The following FSTL5 variants were observed in gnomAD, a reference collection of about 807,000 sequenced individuals.
FSTL5 encodes follistatin like 5, also known as follistatin-related protein 5.
In FSTL5, 62 loss-of-function variants were observed where a neutral mutation model predicts 89.1. That is an observed-to-expected ratio of 0.70 (90% CI 0.57 to 0.86). The LOEUF (loss-of-function observed/expected upper bound fraction) is 0.86. Ranked by LOEUF, FSTL5 falls within the 40% of genes least tolerant of loss-of-function variation. The pLI is 0.00. For synonymous variants in FSTL5, 383 were observed against 346.2 expected (o/e 1.11, Z -1.18); for missense variants, 1,057 against 1,001.6 (o/e 1.06, Z -0.75).
At chr4:161,828,201 CATACTT>C (rs1425575203) in intron 4 of FSTL5, among the ~76,000 whole-genome samples, 1 of 152,176 alleles carries the variant, frequency 6.6e-6, no homozygotes, top group Non-Finnish European at 1.5e-5. Flanking sequence ...GGTAAGGTCA[CATACTT>C]TTTCCATGAT....
At chr4:161,575,257 TAAG>T (rs762716468) in intron 8 of FSTL5, among the ~76,000 whole-genome samples, 34 of 152,176 alleles carry the variant, frequency 2.2e-4, no homozygotes, top group Admixed American at 2.0e-3. Flanking sequence ...CTTTGTCAGA[TAAG>T]AAGATTGCAA....
At chr4:161,537,802 C>T (rs1731676168) in intron 10 of FSTL5, among the ~76,000 whole-genome samples, 1 of 152,228 alleles carries the variant, frequency 6.6e-6, no homozygotes, top group African/African-American at 2.4e-5. Context: ...GTAATTTATT[C>T]TACCTAGAAG....
chr4:161,836,584 C>G (rs1356575497), intron 4 of FSTL5, among the ~76,000 whole-genome samples: 1 of 151,760 alleles, frequency 6.6e-6, no homozygotes, highest in African/African-American at 2.4e-5. Context: ...GTCATGGAGG[C>G]TCTTGCATGC....
chr4:161,826,715 C>A (rs1244978201), intron 4 of FSTL5, among the ~76,000 whole-genome samples: 1 of 152,158 alleles, frequency 6.6e-6, no homozygotes, highest in African/African-American at 2.4e-5. Flanking sequence ...GCAACTCCTG[C>A]TCACTTTTGG....
At chr4:161,971,183 A>T (rs1735472409) in intron 3 of FSTL5, among the ~76,000 whole-genome samples, 1 of 152,254 alleles carries the variant, frequency 6.6e-6, no homozygotes, top group African/African-American at 2.4e-5. Context: ...AGATCAATGG[A>T]GGAGAGTTCT....
At position 161,561,419 on chromosome 4, in the gene FSTL5, G is replaced by C. The variant is rs111475023; in HGVS notation, c.1016-18726C>G. ...GAATAGGTAAATCCACAGAAAGAGA[G>C]AGTAGATTAGTGATTTCCAGGAACT... On this transcript the variant is annotated intron_variant, in intron 8 of 15. Transcript: ENST00000306100. 5.7e-4 allele frequency among the ~76,000 whole-genome samples: 86 copies of C among 152,128 alleles called. 1 individual carries two copies. Among genetic ancestry groups the C allele is most frequent in the Middle Eastern group, 3.4e-3 (1 of 294 alleles).
At chr4:161,507,219 C>T (rs17041130) in intron 11 of FSTL5, among the ~76,000 whole-genome samples, 26,834 of 151,668 alleles carry the variant, frequency 0.18, 2,643 homozygotes, top group East Asian at 0.37. Context: ...AATTCAGTGC[C>T]TATATAATCC....
intron 7 of FSTL5, among the ~76,000 whole-genome samples, chr4:161,603,490 C>T (rs1332364130): frequency 1.3e-5 from 2 of 152,072 alleles, no homozygotes; most frequent in East Asian, 3.9e-4. Context: ...TTCTGCCATC[C>T]AGGAAAACAA....
At chr4:161,761,791 C>T (rs1276292934) in intron 5 of FSTL5, among the ~76,000 whole-genome samples, 4 of 152,300 alleles carry the variant, frequency 2.6e-5, no homozygotes, top group Middle Eastern at 3.4e-3. Context: ...AAGCCCTTAT[C>T]ATCTATACTG....
chr4:161,925,132 T>C lies in FSTL5; in HGVS notation c.161-4480A>G, dbSNP rs563241116. On this transcript the variant is annotated intron_variant, in intron 3 of 15. Transcript: ENST00000306100. ...TCATCCAAAAAATCCTTTAATGTAATAATGCTCAGCAAAACGCAGTTCTAA... is the reference window on the plus strand; with the variant it reads ...TCATCCAAAAAATCCTTTAATGTAACAATGCTCAGCAAAACGCAGTTCTAA... 1.3e-3 allele frequency among the ~76,000 whole-genome samples: 193 copies of C among 151,956 alleles called. 1 individual carries two copies. Among genetic ancestry groups the C allele is most frequent in the African/African-American group, 4.5e-3 (187 of 41,536 alleles).
intron 3 of FSTL5, among the ~76,000 whole-genome samples, chr4:161,947,260 TATC>T (rs1734762753): frequency 6.6e-6 from 1 of 151,906 alleles, no homozygotes; most frequent in African/African-American, 2.4e-5. Flanking sequence ...AAGTTCTATC[TATC>T]TTTTATTTTT....
chr4:161,753,467 T>C (rs1740466048), intron 6 of FSTL5, among the ~76,000 whole-genome samples: 1 of 152,186 alleles, frequency 6.6e-6, no homozygotes, highest in Non-Finnish European at 1.5e-5. Context: ...GCCACATTCC[T>C]GCATTTTTAC....
chr4:161,967,607 C>T (rs1462974200), intron 3 of FSTL5, among the ~76,000 whole-genome samples: 1 of 151,782 alleles, frequency 6.6e-6, no homozygotes, highest in African/African-American at 2.4e-5. Flanking sequence ...TAACCTAAAA[C>T]CTATCTTTTT....
At chr4:162,032,664 A>G (rs537076353) in intron 3 of FSTL5, 2 of 152,294 alleles carry the variant, frequency 1.3e-5, no homozygotes, top group East Asian at 3.9e-4. Flanking sequence ...AGAGGATTCT[A>G]TTTGGACTTG....
At chr4:161,803,049 C>T (rs1389385516) in intron 4 of FSTL5, among the ~76,000 whole-genome samples, 1 of 151,798 alleles carries the variant, frequency 6.6e-6, no homozygotes, top group East Asian at 1.9e-4. Context: ...ATTAATTTGC[C>T]GCTGTGTTAA....
intron 3 of FSTL5, among the ~76,000 whole-genome samples, chr4:162,021,161 A>G (rs1487715654): frequency 1.3e-5 from 2 of 152,176 alleles, no homozygotes; most frequent in African/African-American, 2.4e-5. Context: ...AGAACTTCCC[A>G]TCTTGCAATG....
intron 6 of FSTL5, among the ~76,000 whole-genome samples, chr4:161,688,435 T>G (rs1196922964): frequency 6.6e-6 from 1 of 152,132 alleles, no homozygotes; most frequent in African/African-American, 2.4e-5. Context: ...AAAACAAAAC[T>G]GCAGTTCTCT....
At chr4:161,884,046 G>A (rs1732720628) in intron 4 of FSTL5, among the ~76,000 whole-genome samples, 1 of 111,106 alleles carries the variant, frequency 9.0e-6, no homozygotes, top group African/African-American at 3.1e-5. Context: ...CTTTTTAGTT[G>A]TTCTTTTAAT....
chr4:162,159,340 T>C (rs1733604013), intron 1 of FSTL5, among the ~76,000 whole-genome samples: 1 of 152,092 alleles, frequency 6.6e-6, no homozygotes, highest in African/African-American at 2.4e-5. Context: ...ACAATGTATA[T>C]TTAAATACAA....
Sources: gnomAD v4.1 joint callset for allele counts (sites outside exome capture counted in the v4.1 genomes callset) on GRCh38, gnomAD v4.1.1 for gene constraint, MANE v1.5 for transcripts, NCBI Gene and HGNC (gene_info 2026-07-23, HGNC 2026-07-21) for gene names.